The following KIAA1328 variants were observed in gnomAD, a reference collection of about 807,000 sequenced individuals.
KIAA1328 encodes the protein KIAA1328.
Under a neutral mutation model 68.1 loss-of-function variants are expected in KIAA1328, and 52 were observed. That is an observed-to-expected ratio of 0.76 (90% CI 0.61 to 0.96). KIAA1328 has a LOEUF of 0.96. Ranked by LOEUF, KIAA1328 falls within the 40% of genes least tolerant of loss-of-function variation. The pLI is 0.00. For missense variants in KIAA1328, 641 were observed against 677.6 expected (o/e 0.95, Z 0.60); for synonymous variants, 232 against 239.4 (o/e 0.97, Z 0.28).
At chr18:37,079,444 A>C (rs1049213639) in intron 7 of KIAA1328, among the ~76,000 whole-genome samples, 43 of 148,620 alleles carry the variant, frequency 2.9e-4, no homozygotes, top group Admixed American at 1.4e-3. Flanking sequence ...ACTAACCTGC[A>C]CATTGTGCAC....
chr18:36,971,952 C>T (rs1286636911), intron 6 of KIAA1328, among the ~76,000 whole-genome samples: 1 of 152,140 alleles, frequency 6.6e-6, no homozygotes, highest in Non-Finnish European at 1.5e-5. Context: ...CATCAAAGCC[C>T]TGTGACACAA....
chr18:36,867,760 A>G (rs763107152), intron 4 of KIAA1328, among the ~76,000 whole-genome samples: 6 of 152,226 alleles, frequency 3.9e-5, no homozygotes, highest in Non-Finnish European at 5.9e-5. Flanking sequence ...TGAATAAAAG[A>G]TATAAATAAA....
intron 6 of KIAA1328, among the ~76,000 whole-genome samples, chr18:37,050,517 C>T (rs1320822950): frequency 6.6e-6 from 1 of 152,106 alleles, no homozygotes; most frequent in East Asian, 1.9e-4. Flanking sequence ...ATGTATAAGA[C>T]TGCTTTTTTT....
rs75125529 is a variant in KIAA1328 at position 37,033,389 on chromosome 18, C to A, written c.577-33501C>A. Reference sequence around the variant, plus strand: ...TCTTCCTTTACAATGTTTATTCTGACAGGCATTTAAGTTGTTGGTAGATCA... The same window carrying A: ...TCTTCCTTTACAATGTTTATTCTGAAAGGCATTTAAGTTGTTGGTAGATCA... On this transcript the variant is annotated intron_variant, in intron 6 of 9. Transcript: ENST00000280020. Among the ~76,000 whole-genome samples the A allele has an allele frequency of 1.7e-3, 266 of 152,282 alleles. 1 individual carries two copies. The highest frequency in any genetic ancestry group is 3.4e-3 in the Middle Eastern group (1 of 294).
intron 6 of KIAA1328, among the ~76,000 whole-genome samples, chr18:36,984,594 G>A (rs1307822748): frequency 1.3e-5 from 2 of 152,108 alleles, no homozygotes; most frequent in Non-Finnish European, 2.9e-5. Context: ...ATATTGCTGT[G>A]TGAAGTTAAG....
chr18:36,861,278 G>A (rs1011439989), intron 4 of KIAA1328, among the ~76,000 whole-genome samples: 9 of 151,908 alleles, frequency 5.9e-5, no homozygotes, highest in African/African-American at 1.7e-4. Flanking sequence ...CGTTATATCG[G>A]GTGTACATGA....
Position 37,015,380 on chromosome 18 carries a change from G to A in KIAA1328, c.577-51510G>A, listed in dbSNP as rs112725902. Among the ~76,000 whole-genome samples, 774 of 152,146 alleles carry A rather than the reference G, an allele frequency of 5.1e-3. 7 individuals carry two copies. Among genetic ancestry groups the A allele is most frequent in the African/African-American group, 0.016 (674 of 41,516 alleles). ...ACGTGTCTGTTTTTGTACCAGTACC[G>A]TGCTGTTTTGGTTACTATATCCTTG... On this transcript the variant is annotated intron_variant, in intron 6 of 9. Coordinates refer to ENST00000280020, the MANE Select transcript of KIAA1328 (RefSeq NM_020776.3).
chr18:36,864,701 G>A (rs1013333530), intron 4 of KIAA1328, among the ~76,000 whole-genome samples: 1 of 149,942 alleles, frequency 6.7e-6, no homozygotes, highest in Non-Finnish European at 1.5e-5. Context: ...GTGGAAAGAT[G>A]TTGCTAATTC....
rs144483045 is a variant in KIAA1328, at chr18:36,886,787, C to T, written c.448+1115C>T. On this transcript the variant is annotated intron_variant, in intron 5 of 9. Coordinates refer to ENST00000280020, the MANE Select transcript of KIAA1328 (RefSeq NM_020776.3). The stretch of plus-strand genomic sequence containing the variant: ...TTAACTTGATTGTTAATAATTGTTT[C>T]AAAGATTCTGCAAATGTCGAAAATG... Among the ~76,000 whole-genome samples, 3 of 152,148 alleles carry T rather than the reference C, an allele frequency of 2.0e-5. No individual in the cohort carries two copies. In the East Asian group the frequency reaches 5.8e-4, roughly 29 times the overall value.
At chr18:37,072,255 G>C (rs1021683752) in intron 7 of KIAA1328, among the ~76,000 whole-genome samples, 6 of 149,824 alleles carry the variant, frequency 4.0e-5, no homozygotes, top group African/African-American at 1.5e-4. Flanking sequence ...ACTTCTAAAG[G>C]GTACTACCAT....
chr18:37,029,021 A>C (rs1347209448), intron 6 of KIAA1328, among the ~76,000 whole-genome samples: 1 of 152,036 alleles, frequency 6.6e-6, no homozygotes, highest in Non-Finnish European at 1.5e-5. Context: ...TCAGAATTAT[A>C]TTAGCCTTAT....
At chr18:36,948,902 G>A (rs1359422162) in intron 5 of KIAA1328, among the ~76,000 whole-genome samples, 1 of 152,176 alleles carries the variant, frequency 6.6e-6, no homozygotes, top group African/African-American at 2.4e-5. Context: ...GTAGTTTTCA[G>A]CCTGATATGT....
intron 6 of KIAA1328, among the ~76,000 whole-genome samples, chr18:37,017,220 A>G (rs2054183517): frequency 6.6e-6 from 1 of 152,034 alleles, no homozygotes; most frequent in Non-Finnish European, 1.5e-5. Flanking sequence ...CATTTACCCA[A>G]AAGTCCTTCA....
chr18:36,951,396 G>T (rs1056351530), intron 5 of KIAA1328, among the ~76,000 whole-genome samples: 1 of 151,960 alleles, frequency 6.6e-6, no homozygotes, highest in Non-Finnish European at 1.5e-5. Context: ...ACTTATGTAG[G>T]CTAAGGAATT....
chr18:36,861,760 C>T (rs2047571093), intron 4 of KIAA1328, among the ~76,000 whole-genome samples: 1 of 152,082 alleles, frequency 6.6e-6, no homozygotes, highest in Non-Finnish European at 1.5e-5. Flanking sequence ...CCTCAACCTC[C>T]TGGCCTCAAG....
At chr18:36,997,323 A>T (rs80265444) in intron 6 of KIAA1328, among the ~76,000 whole-genome samples, 1 of 151,954 alleles carries the variant, frequency 6.6e-6, no homozygotes, top group African/African-American at 2.4e-5. Flanking sequence ...TTCCTTTCTT[A>T]TTAAGATTTT....
intron 3 of KIAA1328, among the ~76,000 whole-genome samples, chr18:36,838,936 T>C (rs975674004): frequency 6.6e-6 from 1 of 152,208 alleles, no homozygotes; most frequent in African/African-American, 2.4e-5. Context: ...GGTTTCACCA[T>C]GTTGGTCAGG....
At chr18:36,962,738 A>G (rs1057272075) in intron 6 of KIAA1328, among the ~76,000 whole-genome samples, 1 of 152,236 alleles carries the variant, frequency 6.6e-6, no homozygotes, top group Non-Finnish European at 1.5e-5. Flanking sequence ...TAACGAAATG[A>G]AGGCAGAAAT....
intron 6 of KIAA1328, among the ~76,000 whole-genome samples, chr18:36,988,721 C>T (rs1174600322): frequency 6.6e-6 from 1 of 152,116 alleles, no homozygotes; most frequent in Admixed American, 6.5e-5. Flanking sequence ...GGGTTCCTAT[C>T]AGTAAGAAAA....
Sources: allele counts gnomAD v4.1 joint callset (sites outside exome capture counted in the v4.1 genomes callset), GRCh38; gene constraint gnomAD v4.1.1; transcripts MANE v1.5; gene names NCBI Gene and HGNC (gene_info 2026-07-23, HGNC 2026-07-21).